ARHGEF38: variants seen among roughly 807,000 people sequenced by gnomAD.
ARHGEF38 encodes the protein Rho guanine nucleotide exchange factor 38.
ARHGEF38 carries 79 observed loss-of-function variants against 79.9 expected under a neutral mutation model. The ratio of observed to expected loss-of-function variants is 0.99; its 90% CI spans 0.82 to 1.19. ARHGEF38 has a LOEUF of 1.19. ARHGEF38 is among the 50% of genes most tolerant of loss of function. ARHGEF38 has a pLI of 0.00. For missense variants in ARHGEF38, 962 were observed against 907.2 expected, an observed-to-expected ratio of 1.06 and a Z score of -0.78; for synonymous variants, 366 against 328.3, an observed-to-expected ratio of 1.11 and a Z score of -1.24.
intron 3 of ARHGEF38, among the ~76,000 whole-genome samples, chr4:105,625,194 C>A (rs1330362387): frequency 1.3e-5 from 2 of 152,120 alleles, no homozygotes; most frequent in Non-Finnish European, 2.9e-5. Context: ...AACTTTATAT[C>A]CTCCATAACT....
chr4:105,610,218 G>A (rs1192258856), intron 2 of ARHGEF38, among the ~76,000 whole-genome samples: 1 of 151,988 alleles, frequency 6.6e-6, no homozygotes, highest in Non-Finnish European at 1.5e-5. Flanking sequence ...GGGGTGGGTT[G>A]GGAGAGGAGG....
rs1731240512 is a variant in ARHGEF38, at chr4:105,679,578, A to G, written c.*1641A>G. 3 of 968,086 alleles carry G rather than the reference A, an allele frequency of 3.1e-6. No individual in the cohort carries two copies. Among genetic ancestry groups the G allele is most frequent in the Admixed American group, 1.7e-5 (1 of 58,922 alleles). 60.0% of individuals were successfully genotyped at this position (968,086 alleles called of 1,614,324 possible). A position where few individuals can be genotyped will look rare whatever the true frequency, so the allele number is the denominator to read the frequency against. ...TGCATCTATCGCCCCTTTCTCTTCT[A>G]TCAGTATCTGAGCTGATGGTTGGAA... On this transcript the variant is annotated 3_prime_UTR_variant, in exon 14 of 14. Coordinates refer to ENST00000420470, the MANE Select transcript of ARHGEF38 (RefSeq NM_001242729.2).
At chr4:105,583,137 G>A (rs192151448) in intron 1 of ARHGEF38, among the ~76,000 whole-genome samples, 81 of 151,706 alleles carry the variant, frequency 5.3e-4, no homozygotes, top group South Asian at 4.4e-3. Flanking sequence ...TTTCTCTTTC[G>A]GTTTTCTCCT....
chr4:105,592,075 T>C (rs1341896614), intron 2 of ARHGEF38, among the ~76,000 whole-genome samples: 4 of 152,212 alleles, frequency 2.6e-5, no homozygotes, highest in African/African-American at 9.6e-5. Context: ...CCTTTCCTTA[T>C]GGTACAGTCC....
chr4:105,616,079 T>C (rs1027705468), intron 3 of ARHGEF38, among the ~76,000 whole-genome samples: 2 of 152,098 alleles, frequency 1.3e-5, no homozygotes, highest in Non-Finnish European at 2.9e-5. Flanking sequence ...TTTTACAGAA[T>C]AGATGTAAAT....
intron 13 of ARHGEF38, among the ~76,000 whole-genome samples, 154 bp downstream of exon 13, chr4:105,667,857 G>A (rs1013505116): frequency 6.6e-6 from 1 of 152,208 alleles, no homozygotes; most frequent in African/African-American, 2.4e-5. Flanking sequence ...TTTGTAAGGA[G>A]TTTAATTCCC....
At chr4:105,614,231 T>A (rs1335556378) in intron 3 of ARHGEF38, among the ~76,000 whole-genome samples, 1 of 151,966 alleles carries the variant, frequency 6.6e-6, no homozygotes, top group Non-Finnish European at 1.5e-5. Flanking sequence ...AGGCTAAGAG[T>A]TTTTTAAAAT....
At chr4:105,561,204 A>G (rs1725506075) in intron 1 of ARHGEF38, among the ~76,000 whole-genome samples, 1 of 151,976 alleles carries the variant, frequency 6.6e-6, no homozygotes, top group Non-Finnish European at 1.5e-5. Context: ...TCTGTGCAAC[A>G]TGGTGAGACC....
intron 9 of ARHGEF38, among the ~76,000 whole-genome samples, chr4:105,657,331 A>G (rs911633629): frequency 6.6e-6 from 1 of 152,186 alleles, no homozygotes; most frequent in South Asian, 2.1e-4. Flanking sequence ...AAACCACAAG[A>G]TGATTAATTA....
In ARHGEF38 at chr4:105,651,972, T is replaced by C. The variant is rs144927691; in HGVS notation, c.1009-2093T>C. Among the ~76,000 whole-genome samples, 211 of 152,278 alleles carry C rather than the reference T, an allele frequency of 1.4e-3. 2 individuals carry two copies. Among genetic ancestry groups the C allele is most frequent in the African/African-American group, 4.9e-3 (205 of 41,562 alleles). On this transcript the variant is annotated intron_variant, in intron 7 of 13. Coordinates refer to ENST00000420470, the MANE Select transcript of ARHGEF38 (RefSeq NM_001242729.2). ...TATTCCTGCCATGTCTTCTTTCAAG[T>C]CCCAAAGAAATGTTATAAGGCCAAG...
At chr4:105,664,248 A>G (rs1208635494) in intron 10 of ARHGEF38, among the ~76,000 whole-genome samples, 1 of 152,220 alleles carries the variant, frequency 6.6e-6, no homozygotes, top group African/African-American at 2.4e-5. Context: ...AGAGTTATAC[A>G]TACACATAAA....
rs149849018 is a variant in ARHGEF38 at position 105,560,037 on chromosome 4, G to T, written c.196+7076G>T. ...GGAATGAATTTAACTAGTTGACTCA[G>T]TAGGTATTTTATACATATGATTTAC... On this transcript the variant is annotated intron_variant, in intron 1 of 13. Coordinates refer to ENST00000420470, the MANE Select transcript of ARHGEF38 (RefSeq NM_001242729.2). Among the ~76,000 whole-genome samples the T allele has an allele frequency of 3.3e-3, 510 of 152,256 alleles. 3 individuals are homozygous for T. The highest frequency in any genetic ancestry group is 0.012 in the South Asian group (57 of 4,830).
chr4:105,559,050 G>A (rs199688813), intron 1 of ARHGEF38, among the ~76,000 whole-genome samples: 32 of 147,464 alleles, frequency 2.2e-4, no homozygotes, highest in Non-Finnish European at 2.4e-4. Flanking sequence ...CACAGGAAAA[G>A]AAAAAAAAAA....
intron 1 of ARHGEF38, among the ~76,000 whole-genome samples, chr4:105,582,542 G>A (rs1336699983): frequency 6.6e-6 from 1 of 152,028 alleles, no homozygotes; most frequent in Non-Finnish European, 1.5e-5. Flanking sequence ...CAAAACAAAT[G>A]AGTCCTAACA....
intron 11 of ARHGEF38, 22 bp downstream of exon 11, chr4:105,666,342 A>G: frequency 2.7e-6 from 4 of 1,502,758 alleles, no homozygotes; most frequent in Non-Finnish European, 3.5e-6. Flanking sequence ...AGCATTCATG[A>G]CAATGATAAC....
chr4:105,612,147 CA>C (rs1728322022), intron 2 of ARHGEF38, among the ~76,000 whole-genome samples: 1 of 152,008 alleles, frequency 6.6e-6, no homozygotes. Flanking sequence ...GGAATGGGAT[CA>C]AAAGATGAGC....
chr4:105,594,057 C>T (rs917471697), intron 2 of ARHGEF38, among the ~76,000 whole-genome samples: 6 of 152,214 alleles, frequency 3.9e-5, no homozygotes, highest in Non-Finnish European at 7.3e-5. Flanking sequence ...CTGCCTTCCT[C>T]ATTGTGGACT....
At chr4:105,646,718 C>A (rs1729857185) in intron 6 of ARHGEF38, among the ~76,000 whole-genome samples, 1 of 151,974 alleles carries the variant, frequency 6.6e-6, no homozygotes, top group African/African-American at 2.4e-5. Flanking sequence ...ACACATTAAT[C>A]CAGATAGTGG....
At chr4:105,658,788 T>G (rs895283167) in intron 9 of ARHGEF38, among the ~76,000 whole-genome samples, 3 of 152,144 alleles carry the variant, frequency 2.0e-5, no homozygotes, top group Non-Finnish European at 4.4e-5. Flanking sequence ...AGTGGAGTTA[T>G]ATTTTGGGTG....
Sources: gnomAD v4.1 joint callset for allele counts (sites outside exome capture counted in the v4.1 genomes callset) on GRCh38, gnomAD v4.1.1 for gene constraint, MANE v1.5 for transcripts, NCBI Gene and HGNC (gene_info 2026-07-23, HGNC 2026-07-21) for gene names.